PDGFD: variants seen among roughly 807,000 people sequenced by gnomAD.
PDGFD encodes platelet derived growth factor D.
A neutral mutation model predicts 44.7 loss-of-function variants in PDGFD; 30 were observed. That is an observed-to-expected ratio of 0.67 (90% CI 0.50 to 0.91). The LOEUF (loss-of-function observed/expected upper bound fraction) is 0.91, where lower values mean the gene tolerates loss of function less well. Ranked by LOEUF, PDGFD falls within the 40% of genes least tolerant of loss-of-function variation. PDGFD has a pLI of 0.00. For missense variants in PDGFD, 445 were observed against 457.8 expected, an observed-to-expected ratio of 0.97 and a Z score of 0.25; for synonymous variants, 173 against 168.4, an observed-to-expected ratio of 1.03 and a Z score of -0.21.
intron 3 of PDGFD, among the ~76,000 whole-genome samples, chr11:103,974,575 A>C (rs1859153922): frequency 6.6e-6 from 1 of 152,120 alleles, no homozygotes; most frequent in Non-Finnish European, 1.5e-5. Context: ...CTCATCATCT[A>C]GGTTTTAAGC....
At chr11:104,009,548 A>G (rs773109514) in intron 1 of PDGFD, among the ~76,000 whole-genome samples, 1 of 152,074 alleles carries the variant, frequency 6.6e-6, no homozygotes, top group Non-Finnish European at 1.5e-5. Flanking sequence ...CAGTACCTTA[A>G]TTGATGAGAC....
chr11:103,977,985 C>T (rs961706774), intron 3 of PDGFD, among the ~76,000 whole-genome samples: 5 of 152,000 alleles, frequency 3.3e-5, no homozygotes, highest in African/African-American at 1.2e-4. Context: ...AATAAGTGCT[C>T]AGAAAACAAA....
At chr11:104,151,484 T>C (rs962465582) in intron 1 of PDGFD, among the ~76,000 whole-genome samples, 1 of 152,166 alleles carries the variant, frequency 6.6e-6, no homozygotes, top group East Asian at 1.9e-4. Flanking sequence ...AAAAAATGTA[T>C]GTGGAAAATA....
intron 1 of PDGFD, among the ~76,000 whole-genome samples, chr11:104,091,370 C>G (rs966000057): frequency 6.6e-6 from 1 of 152,136 alleles, no homozygotes; most frequent in Non-Finnish European, 1.5e-5. Flanking sequence ...AGGTATGCCC[C>G]CTTCGTTCAA....
At chr11:103,977,794 G>C (rs570284013) in intron 3 of PDGFD, among the ~76,000 whole-genome samples, 304 of 152,128 alleles carry the variant, frequency 2.0e-3, no homozygotes, top group Non-Finnish European at 3.1e-3. Context: ...TTATGTATTT[G>C]AGGGTAATGG....
At chr11:104,064,441 T>A (rs762806125) in intron 1 of PDGFD, among the ~76,000 whole-genome samples, 1 of 152,194 alleles carries the variant, frequency 6.6e-6, no homozygotes, top group Non-Finnish European at 1.5e-5. Flanking sequence ...GGCAGATGCA[T>A]TCATAATACC....
At chr11:103,985,344 C>CT (rs1254991008) in intron 3 of PDGFD, among the ~76,000 whole-genome samples, 6 of 150,936 alleles carry the variant, frequency 4.0e-5, no homozygotes, top group Admixed American at 2.0e-4. Flanking sequence ...GGACTACAGG[C>CT]GTGCACCACC....
intron 1 of PDGFD, among the ~76,000 whole-genome samples, chr11:104,134,782 G>A (rs75409233): frequency 0.13 from 19,842 of 152,146 alleles, 1,434 homozygotes; most frequent in East Asian, 0.29. Context: ...CTGAAGCAGA[G>A]GTCTACCCTC....
chr11:104,078,943 C>G (rs1470488685), intron 1 of PDGFD, among the ~76,000 whole-genome samples: 2 of 152,074 alleles, frequency 1.3e-5, no homozygotes, highest in Non-Finnish European at 2.9e-5. Context: ...AGAAAGCCTC[C>G]ACTTAGCAAT....
At chr11:103,988,493 CT>C in intron 3 of PDGFD, among the ~76,000 whole-genome samples, 1 of 152,214 alleles carries the variant, frequency 6.6e-6, no homozygotes, top group South Asian at 2.1e-4. Context: ...TCAAACACTG[CT>C]TGTGTCAGGA....
chr11:104,031,146 CTAAT>C (rs1860118210), intron 1 of PDGFD, among the ~76,000 whole-genome samples: 1 of 152,108 alleles, frequency 6.6e-6, no homozygotes, highest in South Asian at 2.1e-4. Flanking sequence ...CAAATGGGAT[CTAAT>C]TAAGCTAAAG....
At chr11:103,996,845 G>C (rs1859540002) in intron 2 of PDGFD, among the ~76,000 whole-genome samples, 1 of 152,218 alleles carries the variant, frequency 6.6e-6, no homozygotes, top group African/African-American at 2.4e-5. Context: ...ACTTTAAGGA[G>C]AGATGTGTGC....
intron 6 of PDGFD, among the ~76,000 whole-genome samples, chr11:103,918,133 C>A (rs1241155155): frequency 6.6e-6 from 1 of 152,114 alleles, no homozygotes; most frequent in African/African-American, 2.4e-5. Context: ...GGAAGGAATA[C>A]CCTAAGAAAG....
intron 1 of PDGFD, among the ~76,000 whole-genome samples, chr11:104,053,636 A>G (rs1466331218): frequency 6.6e-6 from 1 of 152,214 alleles, no homozygotes; most frequent in Admixed American, 6.5e-5. Flanking sequence ...TCACATAAAA[A>G]TAAATTGGGA....
intron 1 of PDGFD, among the ~76,000 whole-genome samples, chr11:104,013,113 T>A (rs1021861045): frequency 1.3e-5 from 2 of 152,110 alleles, no homozygotes; most frequent in Non-Finnish European, 2.9e-5. Flanking sequence ...AAAACAAGTG[T>A]CTGAATGTTG....
chr11:103,925,693 A>G (rs1274077011), intron 6 of PDGFD, among the ~76,000 whole-genome samples: 1 of 84,892 alleles, frequency 1.2e-5, no homozygotes, highest in East Asian at 4.2e-4. Flanking sequence ...ATATATATAT[A>G]TATATACACA....
At chr11:104,036,662 C>T in intron 1 of PDGFD, 1 of 637,688 alleles carries the variant, frequency 1.6e-6, no homozygotes, top group South Asian at 1.9e-5. Context: ...AGACAGCCCC[C>T]AGACAGATGA....
At chr11:103,991,613 A>C (rs1287478780) in intron 3 of PDGFD, among the ~76,000 whole-genome samples, 2 of 152,188 alleles carry the variant, frequency 1.3e-5, no homozygotes, top group Non-Finnish European at 2.9e-5. Context: ...AAATGACTTG[A>C]CTTTTTATTT....
At chr11:103,931,182 G>A (rs1002317748) in intron 5 of PDGFD, among the ~76,000 whole-genome samples, 2 of 152,170 alleles carry the variant, frequency 1.3e-5, no homozygotes, top group Non-Finnish European at 2.9e-5. Context: ...CCTTATTAAA[G>A]TGAAACATAT....
Sources: gnomAD v4.1 joint callset for allele counts (sites outside exome capture counted in the v4.1 genomes callset) on GRCh38, gnomAD v4.1.1 for gene constraint, MANE v1.5 for transcripts, NCBI Gene and HGNC (gene_info 2026-07-23, HGNC 2026-07-21) for gene names.